Variants in ZSCAN5A observed in about 807,000 individuals in gnomAD.
ZSCAN5A encodes the protein zinc finger and SCAN domain-containing protein 5A.
Under a neutral mutation model 23.7 loss-of-function variants are expected in ZSCAN5A, and 12 were observed. The ratio of observed to expected loss-of-function variants is 0.51; its 90% CI spans 0.32 to 0.82. The LOEUF (loss-of-function observed/expected upper bound fraction) is 0.82, where lower values mean the gene tolerates loss of function less well. Among genes scored for constraint, ZSCAN5A ranks in the 40% least tolerant of loss-of-function variants. ZSCAN5A has a pLI of 0.03. For missense variants in ZSCAN5A, 597 were observed against 617.9 expected, an observed-to-expected ratio of 0.97 and a Z score of 0.36; for synonymous variants, 257 against 239.9, an observed-to-expected ratio of 1.07 and a Z score of -0.66.
intron 2 of ZSCAN5A, among the ~76,000 whole-genome samples, chr19:56,252,611 C>A (rs1371981782): frequency 6.6e-6 from 1 of 152,130 alleles, no homozygotes; most frequent in Non-Finnish European, 1.5e-5. Flanking sequence ...GAGGGAGTAC[C>A]CAGGTTTTCT....
At chr19:56,251,546 C>CA (rs144791061) in intron 2 of ZSCAN5A, among the ~76,000 whole-genome samples, 1,999 of 152,228 alleles carry the variant, frequency 0.013, 42 homozygotes, top group African/African-American at 0.043. Context: ...CAATAGCCCA[C>CA]AGCTAGAAAA....
At chr19:56,353,591 CG>C (rs764957291) in intron 2 of ZSCAN5A, among the ~76,000 whole-genome samples, 9 of 151,618 alleles carry the variant, frequency 5.9e-5, no homozygotes, top group Non-Finnish European at 1.3e-4. Flanking sequence ...TCCTGGCTAA[CG>C]GCGGTGAAAC....
intron 2 of ZSCAN5A, chr19:56,347,486 G>A (rs954554924): frequency 9.2e-5 from 14 of 152,184 alleles, no homozygotes; most frequent in African/African-American, 3.4e-4. Context: ...AGTCCTTGAG[G>A]AAGGGGGTGA....
intron 2 of ZSCAN5A, chr19:56,246,928 C>A (rs756741880): frequency 6.3e-7 from 1 of 1,592,256 alleles, no homozygotes; most frequent in South Asian, 1.1e-5. Flanking sequence ...AGAAGGGCCT[C>A]AAGGAGGAGC....
At chr19:56,244,769 A>T (rs2035731186) in intron 2 of ZSCAN5A, among the ~76,000 whole-genome samples, 1 of 151,054 alleles carries the variant, frequency 6.6e-6, no homozygotes, top group South Asian at 2.1e-4. Context: ...TGAGGCCAAC[A>T]TGAAAGAAAG....
At chr19:56,360,860 G>GCTT (rs1209602642) in intron 2 of ZSCAN5A, among the ~76,000 whole-genome samples, 1 of 152,150 alleles carries the variant, frequency 6.6e-6, no homozygotes, top group Non-Finnish European at 1.5e-5. Context: ...AAACCAAAGA[G>GCTT]CTTCTGCACA....
intron 1 of ZSCAN5A, 64 bp from the exon 2 acceptor site, chr19:56,313,448 A>C (rs1419184531): frequency 6.3e-6 from 1 of 157,910 alleles, no homozygotes; most frequent in Admixed American, 6.5e-5. Context: ...CATGGGAAAG[A>C]CCTGCCCCCA....
intron 2 of ZSCAN5A, among the ~76,000 whole-genome samples, chr19:56,255,440 A>G (rs545216571): frequency 2.6e-5 from 4 of 152,016 alleles, no homozygotes; most frequent in African/African-American, 9.6e-5. Flanking sequence ...CCACGAGCAA[A>G]CAGAAAAACA....
At position 56,271,416 on chromosome 19, in the gene ZSCAN5A, G is replaced by A. The variant is rs145193757; in HGVS notation, c.-128+41867C>T. On this transcript the variant is annotated intron_variant, in intron 2 of 5. Transcript: ENST00000683990. Reference sequence around the variant, plus strand: ...GTGGTCTTTACTTCCGCATAGCACCGGATGTGAAAAGCCTTCCACATGTTT... The same window carrying A: ...GTGGTCTTTACTTCCGCATAGCACCAGATGTGAAAAGCCTTCCACATGTTT... 2.3e-3 allele frequency among the ~76,000 whole-genome samples: 352 copies of A among 152,266 alleles called. 2 individuals are homozygous for A. The highest frequency in any genetic ancestry group is 8.0e-3 in the African/African-American group (331 of 41,538).
intron 2 of ZSCAN5A, chr19:56,342,666 A>T (rs2041602736): frequency 1.8e-6 from 1 of 559,192 alleles, no homozygotes; most frequent in African/African-American, 1.9e-5. Context: ...TCCTGCCAGT[A>T]GGAGTCCCCA....
chr19:56,231,996 C>CTTTTTTTTTTTTTTTTTTTTTTTTT lies in ZSCAN5A; in HGVS notation c.-127-6824_-127-6823insAAAAAAAAAAAAAAAAAAAAAAAAA, dbSNP rs59525392. ...TCTTTTTTCTTTCTTTTTTTCTTTT[C>CTTTTTTTTTTTTTTTTTTTTTTTTT]TTTTTTTTTGAGACAGTGTCTTGCT... On this transcript the variant is annotated intron_variant, in intron 2 of 5. Coordinates refer to ENST00000683990, the MANE Select transcript of ZSCAN5A (RefSeq NM_001322064.3). 1.6e-4 allele frequency among the ~76,000 whole-genome samples: 20 copies of CTTTTTTTTTTTTTTTTTTTTTTTTT among 124,980 alleles called. 1 individual carries two copies. Among genetic ancestry groups the CTTTTTTTTTTTTTTTTTTTTTTTTT allele is most frequent in the Admixed American group, 2.7e-4 (3 of 11,132 alleles). The allele number at this position is 124,980 out of a possible 152,430, so 82.0% of individuals were successfully genotyped here.
intron 2 of ZSCAN5A, among the ~76,000 whole-genome samples, chr19:56,328,016 G>A (rs1470578578): frequency 6.6e-6 from 1 of 152,060 alleles, no homozygotes; most frequent in Non-Finnish European, 1.5e-5. Context: ...ATATTATGAA[G>A]TATATCCACA....
intron 2 of ZSCAN5A, among the ~76,000 whole-genome samples, chr19:56,329,593 T>C (rs1002702755): frequency 6.6e-6 from 1 of 151,734 alleles, no homozygotes; most frequent in African/African-American, 2.4e-5. Context: ...GAAATAATAA[T>C]AATAATTGGA....
At chr19:56,267,945 C>G (rs1357474643) in intron 2 of ZSCAN5A, among the ~76,000 whole-genome samples, 2 of 152,162 alleles carry the variant, frequency 1.3e-5, no homozygotes, top group Non-Finnish European at 2.9e-5. Flanking sequence ...GTGCACACAG[C>G]CAGGAGGTGG....
At chr19:56,253,572 C>T (rs1040885670) in intron 2 of ZSCAN5A, among the ~76,000 whole-genome samples, 2 of 152,084 alleles carry the variant, frequency 1.3e-5, no homozygotes, top group African/African-American at 4.8e-5. Context: ...AAGTGGCTCC[C>T]ATCGGTGTGC....
chr19:56,350,193 T>C (rs1306055512), intron 2 of ZSCAN5A, among the ~76,000 whole-genome samples: 3 of 152,256 alleles, frequency 2.0e-5, no homozygotes, highest in Non-Finnish European at 2.9e-5. Context: ...GCAGGACTAA[T>C]AGTTATGGAT....
intron 1 of ZSCAN5A, among the ~76,000 whole-genome samples, chr19:56,363,596 G>A (rs1035995347): frequency 2.0e-5 from 3 of 152,194 alleles, no homozygotes; most frequent in Admixed American, 6.5e-5. Context: ...GGACAGTGAC[G>A]TCCTGGCTGC....
At chr19:56,325,978 G>A (rs971980444) in intron 2 of ZSCAN5A, among the ~76,000 whole-genome samples, 2 of 151,918 alleles carry the variant, frequency 1.3e-5, no homozygotes, top group African/African-American at 4.8e-5. Flanking sequence ...TGTTGCCCAG[G>A]CTGGAGTGCA....
chr19:56,242,060 G>C (rs2035468289), intron 2 of ZSCAN5A, among the ~76,000 whole-genome samples: 1 of 152,158 alleles, frequency 6.6e-6, no homozygotes, highest in Non-Finnish European at 1.5e-5. Context: ...CTGCCCCGGA[G>C]CGGGATTGCC....
Sources: allele counts gnomAD v4.1 joint callset (sites outside exome capture counted in the v4.1 genomes callset), GRCh38; gene constraint gnomAD v4.1.1; transcripts MANE v1.5; gene names NCBI Gene and HGNC (gene_info 2026-07-23, HGNC 2026-07-21).